Variants in AGMO observed in about 807,000 individuals in gnomAD.
AGMO encodes the protein alkylglycerol monooxygenase, also known as glyceryl-ether monooxygenase.
In AGMO, 75 loss-of-function variants were observed where a neutral mutation model predicts 60.2. That is an observed-to-expected ratio of 1.25 (90% confidence interval 1.03 to 1.51). The LOEUF is 1.51. AGMO is among the 40% of genes most tolerant of loss of function. The probability of loss-of-function intolerance (pLI) is 0.00; values close to 1 mark genes in which losing one functional copy is unlikely to be tolerated. For missense variants in AGMO, 763 were observed against 525.5 expected (o/e 1.45, Z -4.42); for synonymous variants, 261 against 177.1 (o/e 1.47, Z -3.76).
the AGMO span, among the ~76,000 whole-genome samples, chr7:15,140,054 A>C: frequency 6.6e-6 from 1 of 150,954 alleles, no homozygotes; most frequent in Non-Finnish European, 1.5e-5. Flanking sequence ...AAAGTTATAA[A>C]TTATATATTA....
intron 4 of AGMO, among the ~76,000 whole-genome samples, chr7:15,426,786 G>A (rs1781077210): frequency 1.3e-5 from 2 of 152,030 alleles, no homozygotes; most frequent in African/African-American, 4.8e-5. Flanking sequence ...AACAATCAGA[G>A]GTAAAGGGAA....
At chr7:15,205,599 T>G (rs1458097035) in intron 12 of AGMO, among the ~76,000 whole-genome samples, 1 of 152,158 alleles carries the variant, frequency 6.6e-6, no homozygotes, top group Non-Finnish European at 1.5e-5. Context: ...TAAAGTCACT[T>G]ACTCTACTTT....
At chr7:15,530,634 G>A (rs907417209) in intron 3 of AGMO, among the ~76,000 whole-genome samples, 11 of 123,424 alleles carry the variant, frequency 8.9e-5, no homozygotes, top group East Asian at 7.0e-4. Flanking sequence ...TTCTATATAC[G>A]TATTTCTATA....
intron 3 of AGMO, among the ~76,000 whole-genome samples, chr7:15,469,543 T>C (rs1782389255): frequency 6.6e-6 from 1 of 152,174 alleles, no homozygotes. Flanking sequence ...GTCAGCTGTG[T>C]TCCTCACGCC....
At chr7:15,544,993 G>C (rs1784738008) in intron 2 of AGMO, 70 bp from the exon 3 acceptor site, 1 of 1,107,904 alleles carries the variant, frequency 9.0e-7, no homozygotes, top group South Asian at 2.7e-5. Context: ...AAATGTTTTA[G>C]ATAACATTTA....
intron 12 of AGMO, among the ~76,000 whole-genome samples, chr7:15,346,508 TTTA>T (rs1255424488): frequency 2.0e-5 from 3 of 151,994 alleles, no homozygotes; most frequent in Admixed American, 6.6e-5. Context: ...TTAATTGATA[TTTA>T]TTTTCATTAA....
At chr7:15,541,257 G>C (rs1054947005) in intron 3 of AGMO, among the ~76,000 whole-genome samples, 20 of 152,030 alleles carry the variant, frequency 1.3e-4, no homozygotes, top group Non-Finnish European at 5.9e-5. Flanking sequence ...TGAGTAGCTG[G>C]GATTACAGGC....
intron 12 of AGMO, among the ~76,000 whole-genome samples, chr7:15,319,598 AT>A (rs546378345): frequency 2.2e-3 from 330 of 152,278 alleles, no homozygotes; most frequent in Non-Finnish European, 3.8e-3. Context: ...TACAATTCAC[AT>A]TGGGGGAAAG....
chr7:15,233,235 T>G (rs1167394837), intron 12 of AGMO, among the ~76,000 whole-genome samples: 2 of 152,190 alleles, frequency 1.3e-5, no homozygotes, highest in African/African-American at 4.8e-5. Context: ...GTTAAGAAGA[T>G]TTATGAAAAG....
chr7:15,231,077 G>C (rs1401240686), intron 12 of AGMO, among the ~76,000 whole-genome samples: 1 of 152,156 alleles, frequency 6.6e-6, no homozygotes, highest in Non-Finnish European at 1.5e-5. Context: ...AGTGAACCAA[G>C]TTCAAGTTCA....
intron 3 of AGMO, among the ~76,000 whole-genome samples, chr7:15,497,657 C>T (rs922802221): frequency 6.6e-6 from 1 of 152,048 alleles, no homozygotes; most frequent in African/African-American, 2.4e-5. Context: ...AAAGCTCACA[C>T]AAGAACACAA....
intron 12 of AGMO, among the ~76,000 whole-genome samples, chr7:15,286,622 G>C (rs115634464): frequency 0.022 from 3,409 of 152,190 alleles, 128 homozygotes; most frequent in African/African-American, 0.079. Flanking sequence ...TACACTGCTG[G>C]TGGGAATGTA....
intron 12 of AGMO, among the ~76,000 whole-genome samples, chr7:15,339,917 C>T (rs1459437087): frequency 2.0e-5 from 3 of 152,148 alleles, no homozygotes; most frequent in Non-Finnish European, 4.4e-5. Flanking sequence ...TAAGGGTAAA[C>T]AATGTTACAT....
intron 3 of AGMO, among the ~76,000 whole-genome samples, chr7:15,531,336 C>CTATATATATTCTA (rs1784336749): frequency 1.2e-5 from 1 of 82,700 alleles, no homozygotes; most frequent in African/African-American, 6.3e-5. Flanking sequence ...TATATATATT[C>CTATATATATTCTA]TATATATATT....
Position 15,515,321 on chromosome 7 carries a change from A to T in AGMO, c.409+29451T>A, listed in dbSNP as rs79996248. Among the ~76,000 whole-genome samples the T allele has an allele frequency of 2.3e-3, 344 of 152,308 alleles. 2 individuals carry two copies. The highest frequency in any genetic ancestry group is 7.8e-3 in the African/African-American group (323 of 41,558). ...TCCTGTTATCTGAGCAAGTCATCAT[A>T]CTTTTACTTTGGACATTATTTTTCT... is the stretch of plus-strand genomic sequence containing the variant. On this transcript the variant is annotated intron_variant, in intron 3 of 12. Coordinates refer to ENST00000342526, the MANE Select transcript of AGMO (RefSeq NM_001004320.2).
At chr7:15,226,911 C>CA (rs1379176119) in intron 12 of AGMO, among the ~76,000 whole-genome samples, 1 of 151,982 alleles carries the variant, frequency 6.6e-6, no homozygotes, top group Non-Finnish European at 1.5e-5. Flanking sequence ...ATGTATCTCT[C>CA]AAAGTCAGTA....
chr7:15,118,624 C>A, the AGMO span, among the ~76,000 whole-genome samples: 1 of 152,082 alleles, frequency 6.6e-6, no homozygotes, highest in Non-Finnish European at 1.5e-5. Context: ...ACTAATGACA[C>A]TTTTCATAGT....
chr7:15,350,632 GA>G (rs1335234622), intron 12 of AGMO, among the ~76,000 whole-genome samples: 3 of 152,116 alleles, frequency 2.0e-5, no homozygotes, highest in African/African-American at 7.2e-5. Flanking sequence ...CAATAAAAAA[GA>G]GCTGGAATTT....
intron 4 of AGMO, among the ~76,000 whole-genome samples, chr7:15,428,478 T>C (rs1335054620): frequency 2.0e-5 from 3 of 152,152 alleles, no homozygotes; most frequent in Admixed American, 2.0e-4. Flanking sequence ...AAAACAAGTG[T>C]GAGTCTCATT....
Sources: allele counts gnomAD v4.1 joint callset (sites outside exome capture counted in the v4.1 genomes callset), GRCh38; gene constraint gnomAD v4.1.1; transcripts MANE v1.5; gene names NCBI Gene and HGNC (gene_info 2026-07-23, HGNC 2026-07-21).